Variants in BARD1 observed in about 807,000 individuals in gnomAD.
The protein encoded by BARD1 is BRCA1-associated RING domain protein 1.
A neutral mutation model predicts 77.0 loss-of-function variants in BARD1; 73 were observed. The ratio of observed to expected loss-of-function variants is 0.95; its 90% confidence interval spans 0.79 to 1.15. The LOEUF (loss-of-function observed/expected upper bound fraction) is 1.15, where lower values mean the gene tolerates loss of function less well. Among genes scored for constraint, BARD1 ranks in the 50% most tolerant of loss-of-function variants. BARD1 has a pLI of 0.00. For synonymous variants in BARD1, 384 were observed against 338.0 expected (o/e 1.14, Z -1.49); for missense variants, 993 against 938.8 (o/e 1.06, Z -0.75).
chr2:214,792,273 AAGAG>A lies in BARD1; in HGVS notation c.364+20_364+23del, dbSNP rs1389681702. On this transcript the variant is annotated intron_variant, in intron 3 of 10. Coordinates refer to ENST00000260947, the MANE Select transcript of BARD1 (RefSeq NM_000465.4). ...CAGTTTTTAACTGATGAATTTAACT[AAGAG>A]AGATAGGGATAGTTCTTACCTGACA... 1.9e-6 allele frequency: 3 copies of A among 1,611,246 alleles called. No homozygotes were observed. In the South Asian group the frequency reaches 3.3e-5, roughly 18 times the overall value.
At chr2:214,794,171 A>G (rs2734674) in intron 2 of BARD1, among the ~76,000 whole-genome samples, 113,006 of 151,914 alleles carry the variant, frequency 0.74, 42,230 homozygotes, top group East Asian at 0.79. Context: ...ATGATCACCC[A>G]AGCCAAGAAG....
chr2:214,750,528 T>A (rs958696590), intron 7 of BARD1, among the ~76,000 whole-genome samples: 4 of 152,204 alleles, frequency 2.6e-5, no homozygotes, highest in African/African-American at 9.6e-5. Context: ...TGGGCTGCCA[T>A]TCTCACTTTG....
intron 9 of BARD1, among the ~76,000 whole-genome samples, chr2:214,737,203 A>G (rs1394268294): frequency 6.6e-6 from 1 of 152,126 alleles, no homozygotes; most frequent in African/African-American, 2.4e-5. Context: ...AGACTGTAAC[A>G]AACATCATGC....
chr2:214,800,606 A>G (rs1429030879), intron 1 of BARD1, among the ~76,000 whole-genome samples: 2 of 152,168 alleles, frequency 1.3e-5, no homozygotes, highest in Non-Finnish European at 2.9e-5. Flanking sequence ...CAAGAATATA[A>G]ATGCATCCAA....
At chr2:214,777,921 A>T (rs965877417) in intron 4 of BARD1, among the ~76,000 whole-genome samples, 5 of 152,230 alleles carry the variant, frequency 3.3e-5, no homozygotes, top group African/African-American at 1.2e-4. Context: ...AAGATTGGCC[A>T]GGTATGGTGG....
intron 5 of BARD1, among the ~76,000 whole-genome samples, chr2:214,768,066 G>C (rs1050644905): frequency 3.3e-5 from 5 of 152,192 alleles, no homozygotes; most frequent in Non-Finnish European, 7.3e-5. Flanking sequence ...AAGTATCCGT[G>C]AAGGAATGCT....
chr2:214,767,324 G>T lies in BARD1; in HGVS notation c.1568+158C>A, dbSNP rs6413460. Among the ~76,000 whole-genome samples the T allele has an allele frequency of 0.37, 56,420 of 151,910 alleles. 10,606 individuals are homozygous for T. Among genetic ancestry groups the T allele is most frequent in the Middle Eastern group, 0.44 (130 of 294 alleles). On this transcript the variant is annotated intron_variant, in intron 6 of 10. Coordinates refer to ENST00000260947, the MANE Select transcript of BARD1 (RefSeq NM_000465.4). ...AACTGTATCATAAAAAGGGCATGAAGGCTGATTATGAGTGCAGAATGTGAT... is the reference window on the plus strand; with the variant it reads ...AACTGTATCATAAAAAGGGCATGAATGCTGATTATGAGTGCAGAATGTGAT...
At chr2:214,792,743 T>C (rs1245713811) in intron 2 of BARD1, among the ~76,000 whole-genome samples, 2 of 152,208 alleles carry the variant, frequency 1.3e-5, no homozygotes, top group Non-Finnish European at 2.9e-5. Context: ...AAAGATAGAA[T>C]GCCTAATGCA....
In BARD1 at chr2:214,769,229, T is replaced by C; in HGVS notation, c.1395+3A>G. On this transcript the variant is annotated splice_donor_region_variant and intron_variant, in intron 5 of 10. Coordinates refer to ENST00000260947, the MANE Select transcript of BARD1 (RefSeq NM_000465.4). ...AGAATGAGAATAAAAACCAGACAACTACCAATGGTGTCCATCCAGCATGGT... is the reference window on the plus strand; with the variant it reads ...AGAATGAGAATAAAAACCAGACAACCACCAATGGTGTCCATCCAGCATGGT... 1 of 1,608,164 alleles carries C rather than the reference T, an allele frequency of 6.2e-7. No individual in the cohort carries two copies. Among genetic ancestry groups the C allele is most frequent in the Non-Finnish European group, 8.5e-7 (1 of 1,174,648 alleles).
chr2:214,758,612 A>T lies in BARD1; in HGVS notation c.1569-6057T>A, dbSNP rs374744152. On this transcript the variant is annotated intron_variant, in intron 6 of 10. Transcript: ENST00000260947. ...GATTTTCATTTTCCCATGTGGCACT[A>T]TCTAAAGAGTATGAACCACATAACT... Among the ~76,000 whole-genome samples, 12 of 152,220 alleles carry T rather than the reference A, an allele frequency of 7.9e-5. No individual in the cohort carries two copies. In the East Asian group the frequency reaches 1.3e-3, roughly 17 times the overall value.
chr2:214,730,122 G>C (rs1692284639), intron 10 of BARD1: 2 of 438,378 alleles, frequency 4.6e-6, no homozygotes, highest in African/African-American at 4.0e-5. Context: ...CCAAGCAGCA[G>C]CTGTAAGTCT....
rs1396107132 is a variant in BARD1, at chr2:214,745,753, C to T, written c.1779G>A (p.Lys593=). ...TGTCAAACTCAGTATATTTTTTAGCCTTAAGAATTACTGCAAGCTCACTGA... is the reference window on the plus strand; with the variant it reads ...TGTCAAACTCAGTATATTTTTTAGCTTTAAGAATTACTGCAAGCTCACTGA... ...KMLSELAVIL[K]AKKYTEFDST... Residue 593 remains lysine (K), a synonymous_variant, in exon 8 of 11, where the codon AAG becomes AAA. Transcript: ENST00000260947. 6.2e-7 allele frequency: 1 copy of T among 1,613,978 alleles called. No homozygotes were observed. The highest frequency in any genetic ancestry group is 2.2e-5 in the East Asian group (1 of 44,846).
intron 9 of BARD1, among the ~76,000 whole-genome samples, chr2:214,740,461 T>C (rs1692770912): frequency 6.6e-6 from 1 of 152,064 alleles, no homozygotes; most frequent in South Asian, 2.1e-4. Flanking sequence ...TTTAAAACTG[T>C]TATAAACAAA....
chr2:214,773,193 A>T (rs1427001550), intron 4 of BARD1, among the ~76,000 whole-genome samples: 1 of 152,210 alleles, frequency 6.6e-6, no homozygotes, highest in South Asian at 2.1e-4. Flanking sequence ...ACACACATAA[A>T]AACAAAACTT....
Position 214,789,178 on chromosome 2 carries a change from A to G in BARD1, c.364+3119T>C, listed in dbSNP as rs559553012. On this transcript the variant is annotated intron_variant, in intron 3 of 10. Coordinates refer to ENST00000260947, the MANE Select transcript of BARD1 (RefSeq NM_000465.4). The stretch of plus-strand genomic sequence containing the variant: ...TTTAAGAAGGTCTATGAATGCATAG[A>G]TGTTATCATTATGAAATGAAATTAT... Among the ~76,000 whole-genome samples the G allele has an allele frequency of 2.0e-5, 3 of 152,270 alleles. No individual in the cohort carries two copies. The East Asian group carries it at 5.8e-4, about 29-fold the overall frequency.
At position 214,780,736 on chromosome 2, in the gene BARD1, T is replaced by C. The variant is rs876658971; in HGVS notation, c.1138A>G (p.Asn380Asp). Residue 380 changes from asparagine (N) to aspartate (D), a missense_variant, in exon 4 of 11, where the codon AAC (asparagine) becomes GAC (aspartate). Coordinates refer to ENST00000260947, the MANE Select transcript of BARD1 (RefSeq NM_000465.4). ...RKVGGTSGRKNSNMSDEFISL... is the reference protein window; with the variant it reads ...RKVGGTSGRKDSNMSDEFISL... ...ATGAATTCATCGGACATGTTACTGT[T>C]TTTCCTCCCTGATGTACCACCAACT... 1 of 1,613,966 alleles carries C rather than the reference T, an allele frequency of 6.2e-7. No individual in the cohort carries two copies. Among genetic ancestry groups the C allele is most frequent in the African/African-American group, 1.3e-5 (1 of 74,916 alleles).
chr2:214,792,180 T>C (rs1695545633), intron 3 of BARD1, 117 bp downstream of exon 3: 1 of 1,046,126 alleles, frequency 9.6e-7, no homozygotes, highest in Middle Eastern at 2.5e-4. Context: ...CTACAGATTT[T>C]AAAATCTGAA....
At chr2:214,738,932 A>T (rs1408961084) in intron 9 of BARD1, among the ~76,000 whole-genome samples, 1 of 152,070 alleles carries the variant, frequency 6.6e-6, no homozygotes. Flanking sequence ...ACCGCTTGAA[A>T]CAAGGAGTTC....
intron 6 of BARD1, among the ~76,000 whole-genome samples, chr2:214,760,828 G>A (rs1220610567): frequency 1.3e-5 from 2 of 149,516 alleles, no homozygotes; most frequent in African/African-American, 5.0e-5. Context: ...AGGCTGGAGT[G>A]CAGTGGTGCG....
Sources: gnomAD v4.1 joint callset for allele counts (sites outside exome capture counted in the v4.1 genomes callset) on GRCh38, gnomAD v4.1.1 for gene constraint, MANE v1.5 for transcripts, NCBI Gene and HGNC (gene_info 2026-07-23, HGNC 2026-07-21) for gene names.